The following COL6A5 variants were observed in gnomAD, a reference collection of about 807,000 sequenced individuals.
COL6A5 encodes the protein collagen type VI alpha 5 chain.
A neutral mutation model predicts 65.6 loss-of-function variants in COL6A5; 48 were observed. That is an observed-to-expected ratio of 0.73 (90% CI 0.58 to 0.93). COL6A5 has a LOEUF of 0.93. Ranked by LOEUF, COL6A5 falls within the 40% of genes least tolerant of loss-of-function variation. The probability of loss-of-function intolerance (pLI) is 0.00; values close to 1 mark genes in which losing one functional copy is unlikely to be tolerated. For missense variants in COL6A5, 914 were observed against 928.3 expected (o/e 0.98, Z 0.20); for synonymous variants, 291 against 322.8 (o/e 0.90, Z 1.05).
chr3:130,385,495 A>G (rs2107647413), intron 5 of COL6A5, 131 bp downstream of exon 5: 3 of 950,154 alleles, frequency 3.2e-6, no homozygotes, highest in Non-Finnish European at 4.6e-6. Flanking sequence ...CTTTATTACC[A>G]TGGAGGGATT....
At chr3:130,482,047 T>G (rs112921849) in intron 7 of COL6A5, among the ~76,000 whole-genome samples, 11,973 of 152,290 alleles carry the variant, frequency 0.079, 647 homozygotes, top group African/African-American at 0.15. Flanking sequence ...CTGTTTAGTT[T>G]AATTAGATTC....
chr3:130,355,470 A>C (rs965728663), intron 1 of COL6A5, among the ~76,000 whole-genome samples: 1 of 152,100 alleles, frequency 6.6e-6, no homozygotes, highest in Non-Finnish European at 1.5e-5. Flanking sequence ...AAAGTTGATG[A>C]ATTTGGAAAT....
Position 130,481,855 on chromosome 3 carries a change from G to A in COL6A5, c.2329-2180G>A, listed in dbSNP as rs541420713. Among the ~76,000 whole-genome samples, 5 of 152,234 alleles carry A rather than the reference G, an allele frequency of 3.3e-5. No individual in the cohort carries two copies. The South Asian group carries it at 6.2e-4, about 19-fold the overall frequency. The stretch of plus-strand genomic sequence containing the variant: ...CTGCATAAATGTCTTCTTTTGAGAA[G>A]TGTCTGCTCATATCCTTTGCCTACT... On this transcript the variant is annotated intron_variant, in intron 7 of 7. Transcript: ENST00000512836.
chr3:130,351,503 A>T (rs1030536473), intron 1 of COL6A5, among the ~76,000 whole-genome samples: 7 of 152,246 alleles, frequency 4.6e-5, no homozygotes, highest in Non-Finnish European at 5.9e-5. Context: ...AAAGTGTATG[A>T]ACAGACACTT....
chr3:130,365,462 A>G (rs1935300717), intron 1 of COL6A5, among the ~76,000 whole-genome samples: 1 of 152,112 alleles, frequency 6.6e-6, no homozygotes, highest in African/African-American at 2.4e-5. Flanking sequence ...TATTTTTAGT[A>G]GAGACGGGGT....
At chr3:130,474,277 C>T (rs568208129) in intron 7 of COL6A5, among the ~76,000 whole-genome samples, 4 of 152,208 alleles carry the variant, frequency 2.6e-5, no homozygotes, top group African/African-American at 9.6e-5. Flanking sequence ...CTGCTACTCA[C>T]AGACAATCAG....
intron 1 of COL6A5, among the ~76,000 whole-genome samples, chr3:130,432,153 G>A (rs919719084): frequency 6.6e-6 from 1 of 152,106 alleles, no homozygotes; most frequent in South Asian, 2.1e-4. Flanking sequence ...AACCACATTT[G>A]CTCAGCTCGT....
chr3:130,424,008 C>T, intron 29 of COL6A5, 108 bp downstream of exon 29: 1 of 771,514 alleles, frequency 1.3e-6, no homozygotes, highest in Non-Finnish European at 2.1e-6. Context: ...CCAGATTCTG[C>T]TTTTTACTAG....
At chr3:130,407,284 G>T (rs1039006865) in intron 17 of COL6A5, among the ~76,000 whole-genome samples, 1 of 152,178 alleles carries the variant, frequency 6.6e-6, no homozygotes, top group Non-Finnish European at 1.5e-5. Flanking sequence ...TTCAAGAGGT[G>T]GTGGTGGGAA....
intron 1 of COL6A5, among the ~76,000 whole-genome samples, chr3:130,368,291 C>G (rs1935416749): frequency 6.6e-6 from 1 of 152,170 alleles, no homozygotes; most frequent in Non-Finnish European, 1.5e-5. Context: ...CCAAACATGG[C>G]CTTTTGCTTC....
At chr3:130,362,289 CATATATATATATATAT>C (rs1184871633) in intron 1 of COL6A5, among the ~76,000 whole-genome samples, 2 of 12,538 alleles carry the variant, frequency 1.6e-4, no homozygotes, top group African/African-American at 4.4e-4. Flanking sequence ...TGTCTTTCTC[CATATATATATATATAT>C]ATATATATAT....
chr3:130,404,319 T>C (rs542206145), intron 13 of COL6A5, among the ~76,000 whole-genome samples: 24 of 152,248 alleles, frequency 1.6e-4, no homozygotes, highest in African/African-American at 3.4e-4. Flanking sequence ...TCAGAAAGCA[T>C]CCAGACTGGA....
intron 1 of COL6A5, among the ~76,000 whole-genome samples, chr3:130,432,153 G>T (rs919719084): frequency 1.3e-5 from 2 of 152,106 alleles, no homozygotes; most frequent in Non-Finnish European, 2.9e-5. Context: ...AACCACATTT[G>T]CTCAGCTCGT....
At chr3:130,411,948 G>T (rs910945735) in intron 20 of COL6A5, among the ~76,000 whole-genome samples, 1 of 152,042 alleles carries the variant, frequency 6.6e-6, no homozygotes, top group Non-Finnish European at 1.5e-5. Context: ...ACTTTCCGAC[G>T]CAGAATAGAG....
intron 17 of COL6A5, 40 bp downstream of exon 17, chr3:130,406,361 T>C: frequency 1.4e-6 from 2 of 1,478,450 alleles, no homozygotes; most frequent in Admixed American, 2.0e-5. Flanking sequence ...AAGGAGAATT[T>C]GGTGACAGAG....
chr3:130,360,739 A>AT (rs1935077214), intron 1 of COL6A5, among the ~76,000 whole-genome samples: 1 of 152,088 alleles, frequency 6.6e-6, no homozygotes, highest in African/African-American at 2.4e-5. Flanking sequence ...TTTGTTTGTT[A>AT]TACCATTCTT....
chr3:130,471,748 G>C (rs1395574990), intron 7 of COL6A5: 1 of 1,534,480 alleles, frequency 6.5e-7, no homozygotes, highest in African/African-American at 1.4e-5. Context: ...TTGATTCCCA[G>C]GCACAACATC....
chr3:130,413,573 G>C (rs1418907143), exon 21 of COL6A5: 5 of 1,549,168 alleles, frequency 3.2e-6, no homozygotes, highest in Non-Finnish European at 4.4e-6. Context: ...GGACTCCGAG[G>C]TGTCTCAGTA....
intron 6 of COL6A5, among the ~76,000 whole-genome samples, chr3:130,390,491 G>A (rs1477073855): frequency 6.6e-6 from 1 of 152,138 alleles, no homozygotes; most frequent in Non-Finnish European, 1.5e-5. Context: ...AAAAGAGTGG[G>A]GAAAGAGTCC....
Sources: allele counts gnomAD v4.1 joint callset (sites outside exome capture counted in the v4.1 genomes callset), GRCh38; gene constraint gnomAD v4.1.1; transcripts MANE v1.5; gene names NCBI Gene and HGNC (gene_info 2026-07-23, HGNC 2026-07-21).